DENND1A: variants seen among roughly 807,000 people sequenced by gnomAD.
DENND1A encodes DENN domain containing 1A.
In DENND1A, 51 loss-of-function variants were observed where a neutral mutation model predicts 113.7. The ratio of observed to expected loss-of-function variants is 0.45; its 90% CI spans 0.36 to 0.57. The LOEUF (loss-of-function observed/expected upper bound fraction) is 0.57. DENND1A is among the 20% of genes least tolerant of loss of function. The pLI is 0.00. For missense variants in DENND1A, 1,258 were observed against 1,395.9 expected, an observed-to-expected ratio of 0.90 and a Z score of 1.57; for synonymous variants, 565 against 570.8, an observed-to-expected ratio of 0.99 and a Z score of 0.14.
intron 11 of DENND1A, among the ~76,000 whole-genome samples, chr9:123,603,216 GA>G (rs1476428644): frequency 6.6e-6 from 1 of 152,072 alleles, no homozygotes; most frequent in Non-Finnish European, 1.5e-5. Context: ...AAAATGAAAA[GA>G]AAAAACTAGT....
intron 9 of DENND1A, among the ~76,000 whole-genome samples, chr9:123,638,746 C>A (rs531236039): frequency 6.6e-6 from 1 of 152,122 alleles, no homozygotes; most frequent in East Asian, 1.9e-4. Flanking sequence ...CAGGTGTGAG[C>A]TACCATGCCC....
In DENND1A at chr9:123,632,912, T is replaced by A. The variant is rs571391526; in HGVS notation, c.619-2436A>T. ...GGCACCTATTATAATAATAATAATA[T>A]TATTATTATTATTGAGACAGGGTCT... On this transcript the variant is annotated intron_variant, in intron 9 of 23. Coordinates refer to ENST00000394215, the MANE Select transcript of DENND1A (RefSeq NM_001352964.2). 7.9e-5 allele frequency among the ~76,000 whole-genome samples: 12 copies of A among 151,582 alleles called. No homozygotes were observed. In the South Asian group the frequency reaches 1.3e-3, roughly 16 times the overall value.
At chr9:123,779,829 C>A (rs1831000547) in intron 3 of DENND1A, among the ~76,000 whole-genome samples, 1 of 151,704 alleles carries the variant, frequency 6.6e-6, no homozygotes, top group African/African-American at 2.4e-5. Context: ...GTGGCAGGGG[C>A]CAGATCATGG....
chr9:123,828,370 A>T (rs1375912612), intron 2 of DENND1A, among the ~76,000 whole-genome samples: 1 of 152,108 alleles, frequency 6.6e-6, no homozygotes, highest in African/African-American at 2.4e-5. Context: ...TGAAAAAGAG[A>T]AGGGAGAGTA....
At position 123,516,099 on chromosome 9, in the gene DENND1A, CACACACAT is replaced by C. The variant is rs1418475539; in HGVS notation, c.993+41463_993+41470del. ...AATTATATATATATAGATATATATA[CACACACAT>C]ACACACACACACACACACACACACA... is the stretch of plus-strand genomic sequence containing the variant. On this transcript the variant is annotated intron_variant, in intron 13 of 23. Coordinates refer to ENST00000394215, the MANE Select transcript of DENND1A (RefSeq NM_001352964.2). Among the ~76,000 whole-genome samples, 61 of 49,558 alleles carry C rather than the reference CACACACAT, an allele frequency of 1.2e-3. No homozygotes were observed. In the South Asian group the frequency reaches 0.037, roughly 30 times the overall value. 32.5% of individuals were successfully genotyped at this position (49,558 alleles called of 152,430 possible). A position where few individuals can be genotyped will look rare whatever the true frequency, so the allele number is the denominator to read the frequency against.
At chr9:123,865,254 T>G (rs1845648944) in intron 2 of DENND1A, among the ~76,000 whole-genome samples, 1 of 152,202 alleles carries the variant, frequency 6.6e-6, no homozygotes, top group Admixed American at 6.5e-5. Context: ...GACCTGAGCT[T>G]TGATCCTGCA....
rs117722126 is a variant in DENND1A at position 123,527,713 on chromosome 9, T to C, written c.993+29857A>G. Among the ~76,000 whole-genome samples the C allele has an allele frequency of 7.5e-4, 114 of 152,274 alleles. No individual in the cohort carries two copies. In the East Asian group the frequency reaches 0.021, roughly 28 times the overall value. On this transcript the variant is annotated intron_variant, in intron 13 of 23. Coordinates refer to ENST00000394215, the MANE Select transcript of DENND1A (RefSeq NM_001352964.2). ...CATTTTCTGCACTGGTCTGACCCATTCCCTGCCATCAACCCAGTGCCCAAT... is the reference window on the plus strand; with the variant it reads ...CATTTTCTGCACTGGTCTGACCCATCCCCTGCCATCAACCCAGTGCCCAAT...
rs575513224 is a variant in DENND1A at position 123,750,863 on chromosome 9, C to A, written c.302+6840G>T. On this transcript the variant is annotated intron_variant, in intron 5 of 23. Transcript: ENST00000394215. ...TTTTGTATAGCAGGGTACCCTCGGG[C>A]GAGACAACCATAAACAGCTTAAAAC... Among the ~76,000 whole-genome samples, 9 of 152,198 alleles carry A rather than the reference C, an allele frequency of 5.9e-5. No homozygotes were observed. The South Asian group carries it at 1.9e-3, about 32-fold the overall frequency.
At chr9:123,882,257 C>T (rs73669009) in intron 1 of DENND1A, among the ~76,000 whole-genome samples, 12,508 of 149,910 alleles carry the variant, frequency 0.083, 1,085 homozygotes, top group African/African-American at 0.22. Context: ...GAGAGGCCAA[C>T]GCAGGAGGAT....
chr9:123,867,594 A>G (rs999524941), intron 2 of DENND1A, among the ~76,000 whole-genome samples: 7 of 152,174 alleles, frequency 4.6e-5, no homozygotes, highest in Non-Finnish European at 7.4e-5. Context: ...TGCAGTAGAC[A>G]TCTGTTTTGG....
intron 9 of DENND1A, among the ~76,000 whole-genome samples, chr9:123,644,173 G>GA (rs1203251852): frequency 6.6e-6 from 1 of 151,648 alleles, no homozygotes; most frequent in East Asian, 1.9e-4. Flanking sequence ...AAGAACGAAT[G>GA]AAAAAAATGA....
intron 13 of DENND1A, among the ~76,000 whole-genome samples, chr9:123,490,099 AC>A (rs2051239707): frequency 1.3e-5 from 2 of 152,186 alleles, no homozygotes; most frequent in African/African-American, 4.8e-5. Context: ...CTTTAGAAGT[AC>A]TAGTTAAGGC....
At chr9:123,383,500 G>A (rs1293291260) in intron 23 of DENND1A, among the ~76,000 whole-genome samples, 155 bp downstream of exon 23, 1 of 152,184 alleles carries the variant, frequency 6.6e-6, no homozygotes, top group African/African-American at 2.4e-5. Flanking sequence ...GGCACCCTGG[G>A]AGGTGTTTAC....
intron 1 of DENND1A, among the ~76,000 whole-genome samples, chr9:123,923,739 A>C (rs905161983): frequency 2.0e-5 from 3 of 152,102 alleles, no homozygotes; most frequent in African/African-American, 7.2e-5. Flanking sequence ...CTTTCAGTTC[A>C]AGTTCCAACC....
intron 5 of DENND1A, among the ~76,000 whole-genome samples, chr9:123,695,666 G>A (rs985773337): frequency 6.6e-6 from 1 of 152,114 alleles, no homozygotes; most frequent in Non-Finnish European, 1.5e-5. Flanking sequence ...GGGGGATTCA[G>A]ACTTGTAAAT....
At chr9:123,434,457 G>T (rs765109108) in intron 19 of DENND1A, among the ~76,000 whole-genome samples, 9 of 152,204 alleles carry the variant, frequency 5.9e-5, no homozygotes, top group Non-Finnish European at 1.2e-4. Flanking sequence ...CAAATAACTT[G>T]CTGAATGCAC....
At chr9:123,486,743 G>A (rs1432224799) in intron 13 of DENND1A, among the ~76,000 whole-genome samples, 1 of 152,132 alleles carries the variant, frequency 6.6e-6, no homozygotes, top group Non-Finnish European at 1.5e-5. Context: ...CACCTCATAT[G>A]TTAGTTCCCA....
At chr9:123,590,145 G>C (rs1427128856) in intron 11 of DENND1A, among the ~76,000 whole-genome samples, 3 of 152,136 alleles carry the variant, frequency 2.0e-5, no homozygotes, top group Admixed American at 2.0e-4. Context: ...GCCATGCCTG[G>C]CTAGAGAGAC....
intron 1 of DENND1A, among the ~76,000 whole-genome samples, chr9:123,882,722 A>G (rs534631763): frequency 5.9e-5 from 9 of 152,256 alleles, no homozygotes; most frequent in Admixed American, 5.9e-4. Context: ...TCTTTGCTCA[A>G]ATCTCCTAAA....
Sources: gnomAD v4.1 joint callset for allele counts (sites outside exome capture counted in the v4.1 genomes callset) on GRCh38, gnomAD v4.1.1 for gene constraint, MANE v1.5 for transcripts, NCBI Gene and HGNC (gene_info 2026-07-23, HGNC 2026-07-21) for gene names.